ENTPD8: variants seen among roughly 807,000 people sequenced by gnomAD.
ENTPD8 encodes the protein ectonucleoside triphosphate diphosphohydrolase 8.
Under a neutral mutation model 47.0 loss-of-function variants are expected in ENTPD8, and 35 were observed. The observed-to-expected ratio is 0.75, with a 90% CI of 0.57 to 0.99. ENTPD8 has a LOEUF of 0.99. Ranked by LOEUF, ENTPD8 falls within the 50% of genes least tolerant of loss-of-function variation. The pLI is 0.00. For missense variants in ENTPD8, 668 were observed against 649.9 expected (o/e 1.03, Z -0.30); for synonymous variants, 308 against 290.5 (o/e 1.06, Z -0.61).
rs373086781 is a variant in ENTPD8 at position 137,436,513 on chromosome 9, C to T, written c.786+8G>A. 1.0e-4 allele frequency: 159 copies of T among 1,596,242 alleles called. 1 individual carries two copies. Among genetic ancestry groups the T allele is most frequent in the African/African-American group, 8.5e-4 (64 of 74,870 alleles). ...CAGCCCCATGCACCCTCCCCAGGGC[C>T]AGCTGACCTGTACCAGCCCCACGAG... On this transcript the variant is annotated splice_region_variant and intron_variant, in intron 6 of 9. Transcript: ENST00000371506.
Position 137,434,446 on chromosome 9 carries a change from C to G in ENTPD8, c.*468G>C. On this transcript the variant is annotated 3_prime_UTR_variant, in exon 10 of 10. Coordinates refer to ENST00000371506, the MANE Select transcript of ENTPD8 (RefSeq NM_001033113.2). Reference sequence around the variant, plus strand: ...GTGGGTGTGGGAGGCCGGGCTGGCCCAGCAGAAGCCCCCAGGCCTGGACTC... The same window carrying G: ...GTGGGTGTGGGAGGCCGGGCTGGCCGAGCAGAAGCCCCCAGGCCTGGACTC... 1 of 1,437,422 alleles carries G rather than the reference C, an allele frequency of 7.0e-7. No homozygotes were observed. The highest frequency in any genetic ancestry group is 9.3e-7 in the Non-Finnish European group (1 of 1,073,468). The allele number at this position is 1,437,422 out of a possible 1,614,324, so 89.0% of individuals were successfully genotyped here.
At chr9:137,436,297 T>C in intron 6 of ENTPD8, 21 bp from the exon 7 acceptor site, 1 of 1,548,034 alleles carries the variant, frequency 6.5e-7, no homozygotes, top group Non-Finnish European at 8.7e-7. Flanking sequence ...CAGGGAGGCC[T>C]GAGCACCAGC....
Position 137,435,095 on chromosome 9 carries a change from A to G in ENTPD8, c.1307T>C (p.Val436Ala). ...GTAGCCCAGTGTCCAGCCAATGTCCACACCGCCCGCCTGCGGGACACACGG... is the reference window on the plus strand; with the variant it reads ...GTAGCCCAGTGTCCAGCCAATGTCCGCACCGCCCGCCTGCGGGACACACGG... ...SLEFRKQAGG[V>A]DIGWTLGYML... Residue 436 changes from valine to alanine, a missense_variant, in exon 10 of 10, where the codon GTG becomes GCG. Physicochemically the swap from Val to Ala is moderately conservative, Grantham distance 64. Coordinates refer to ENST00000371506, the MANE Select transcript of ENTPD8 (RefSeq NM_001033113.2). 6.2e-7 allele frequency: 1 copy of G among 1,609,908 alleles called. No individual in the cohort carries two copies. The highest frequency in any genetic ancestry group is 8.5e-7 in the Non-Finnish European group (1 of 1,179,194).
At position 137,435,849 on chromosome 9, in the gene ENTPD8, G is replaced by A. The variant is rs952688103; in HGVS notation, c.1051-20C>T. Reference sequence around the variant, plus strand: ...GAAGGCCTGAGTGAGAGGGGAGGTGGCTGTGCCTTCGCTGTGGCCACGCTG... The same window carrying A: ...GAAGGCCTGAGTGAGAGGGGAGGTGACTGTGCCTTCGCTGTGGCCACGCTG... On this transcript the variant is annotated intron_variant, in intron 7 of 9. Transcript: ENST00000371506. The A allele has an allele frequency of 3.1e-6, 5 of 1,608,968 alleles. No individual in the cohort carries two copies. The highest frequency in any genetic ancestry group is 4.3e-6 in the Non-Finnish European group (5 of 1,176,220).
In ENTPD8 at chr9:137,438,097, T is replaced by C. The variant is rs1363791516; in HGVS notation, c.127-13A>G. ...ACACGATCCCAAACTGGGGAGACAG[T>C]GGGATGAGTGGGAGGCAACACCTGT... On this transcript the variant is annotated splice_polypyrimidine_tract_variant and intron_variant, in intron 2 of 9. Coordinates refer to ENST00000371506, the MANE Select transcript of ENTPD8 (RefSeq NM_001033113.2). The surrounding 1 kb of genome is among the most constrained non-coding windows in gnomAD (Gnocchi z 5.7). 1.9e-6 allele frequency: 3 copies of C among 1,612,074 alleles called. No homozygotes were observed. The African/African-American group carries it at 4.0e-5, about 22-fold the overall frequency.
Position 137,436,248 on chromosome 9 carries a change from G to A in ENTPD8, c.815C>T (p.Pro272Leu), listed in dbSNP as rs772261808. 4.4e-6 allele frequency: 7 copies of A among 1,603,242 alleles called. No individual in the cohort carries two copies. The highest frequency in any genetic ancestry group is 1.7e-4 in the Middle Eastern group (1 of 5,936). ...GGTCTGGTAGCCGCTGAGGTAGCAC[G>A]GGTGACGGAGCAGGGCAGCCGGGCG... ...QSRPAALLRH[P>L]CYLSGYQTTL... The change falls in exon 7 of 10, where the codon CCG becomes CTG. Residue 272 changes from proline (P) to leucine (L), a missense_variant. Physicochemically the swap from Pro to Leu is moderately conservative, Grantham distance 98. Coordinates refer to ENST00000371506, the MANE Select transcript of ENTPD8 (RefSeq NM_001033113.2).
At chr9:137,435,613 GC>G in intron 8 of ENTPD8, 105 bp downstream of exon 8, 1 of 1,209,634 alleles carries the variant, frequency 8.3e-7, no homozygotes, top group South Asian at 1.3e-5. Flanking sequence ...GCCTCCCCCG[GC>G]CCTGCTGGCC....
intron 5 of ENTPD8, 32 bp downstream of exon 5, chr9:137,436,837 A>C: frequency 6.2e-7 from 1 of 1,608,048 alleles, no homozygotes; most frequent in Non-Finnish European, 8.5e-7. Context: ...CCCCTCGCAG[A>C]CCAGCCCCCG....
Position 137,434,889 on chromosome 9 carries a change from G to A in ENTPD8, c.*25C>T. On this transcript the variant is annotated 3_prime_UTR_variant, in exon 10 of 10. Coordinates refer to ENST00000371506, the MANE Select transcript of ENTPD8 (RefSeq NM_001033113.2). ...CGGGACGCAGCTGCCTGTGGGCTCT[G>A]TGGGGGCCCACCTCCGCCTTCCCAC... The A allele has an allele frequency of 6.3e-7, 1 of 1,585,342 alleles. No individual in the cohort carries two copies. The highest frequency in any genetic ancestry group is 8.6e-7 in the Non-Finnish European group (1 of 1,165,686).
intron 3 of ENTPD8, 111 bp from the exon 4 acceptor site, chr9:137,437,420 G>A (rs1839401177): frequency 2.2e-6 from 3 of 1,370,578 alleles, no homozygotes; most frequent in South Asian, 2.8e-5. Flanking sequence ...ACCAGCCAAG[G>A]GCTGCGTGGA....
rs1301278203 is a variant in ENTPD8, at chr9:137,437,973, C to A, written c.238G>T (p.Val80Leu). Residue 80 changes from valine to leucine, a missense_variant, in exon 3 of 10, where the codon GTG becomes TTG. Coordinates refer to ENST00000371506, the MANE Select transcript of ENTPD8 (RefSeq NM_001033113.2). ...GVVSQALACQVEGPGISSYTS... is the reference protein window; with the variant it reads ...GVVSQALACQLEGPGISSYTS... ...TGCAGAACAGCCCACTAACCTTCCA[C>A]CTGGCAGGCCAGGGCCTGGCTGACC... The A allele has an allele frequency of 1.2e-5, 20 of 1,612,032 alleles. No homozygotes were observed. Among genetic ancestry groups the A allele is most frequent in the Non-Finnish European group, 1.7e-5 (20 of 1,179,432 alleles).
At chr9:137,439,906 G>A (rs1368163139) in intron 1 of ENTPD8, among the ~76,000 whole-genome samples, 2 of 69,290 alleles carry the variant, frequency 2.9e-5, no homozygotes, top group Non-Finnish European at 5.3e-5. Context: ...CAGCCCCCCC[G>A]AGACCAGGAC....
rs1048595064 is a variant in ENTPD8, at chr9:137,434,440, C to G, written c.*474G>C. 4 of 1,466,816 alleles carry G rather than the reference C, an allele frequency of 2.7e-6. No homozygotes were observed. The African/African-American group carries it at 5.7e-5, about 21-fold the overall frequency. 90.9% of individuals were successfully genotyped at this position (1,466,816 alleles called of 1,614,324 possible). A position where few individuals can be genotyped will look rare whatever the true frequency, so the allele number is the denominator to read the frequency against. On this transcript the variant is annotated 3_prime_UTR_variant, in exon 10 of 10. Transcript: ENST00000371506. ...CTCCAAGTGGGTGTGGGAGGCCGGG[C>G]TGGCCCAGCAGAAGCCCCCAGGCCT... is the stretch of plus-strand genomic sequence containing the variant.
rs777784111 is a variant in ENTPD8 at position 137,436,164 on chromosome 9, C to G, written c.899G>C (p.Ser300Thr). 2.5e-6 allele frequency: 4 copies of G among 1,612,856 alleles called. No homozygotes were observed. The highest frequency in any genetic ancestry group is 2.2e-5 in the East Asian group (1 of 44,896). Reference sequence around the variant, plus strand: ...TTCAACTGTGAGGTTCTGGGGGAGGCTCAGCGGGGGCGTGGCGTGGACACA... The same window carrying G: ...TTCAACTGTGAGGTTCTGGGGGAGGGTCAGCGGGGGCGTGGCGTGGACACA... ...SPCVHATPPL[S>T]LPQNLTVEGT... Residue 300 changes from serine to threonine, a missense_variant, in exon 7 of 10, where the codon AGC becomes ACC. By Grantham distance (58) the Ser-to-Thr change is moderately conservative. Transcript: ENST00000371506.
rs748624218 is a variant in ENTPD8 at position 137,434,378 on chromosome 9, T to C, written c.*536A>G. 1.3e-5 allele frequency: 20 copies of C among 1,553,244 alleles called. No homozygotes were observed. Among genetic ancestry groups the C allele is most frequent in the Non-Finnish European group, 1.7e-5 (20 of 1,148,964 alleles). On this transcript the variant is annotated 3_prime_UTR_variant, in exon 10 of 10. Coordinates refer to ENST00000371506, the MANE Select transcript of ENTPD8 (RefSeq NM_001033113.2). Reference sequence around the variant, plus strand: ...AGCCCTAATGATGCTGTGTCCATGATGCTTTTAATAAAAACAACCCCCACT... The same window carrying C: ...AGCCCTAATGATGCTGTGTCCATGACGCTTTTAATAAAAACAACCCCCACT...
rs952161845 is a variant in ENTPD8, at chr9:137,434,619, G to A, written c.*295C>T. The stretch of plus-strand genomic sequence containing the variant: ...CTTGCCCTGTTTGCAGGCAGCATGT[G>A]GCCCTGCAGTCACACAGCCTGGAGA... On this transcript the variant is annotated 3_prime_UTR_variant, in exon 10 of 10. Transcript: ENST00000371506. 5.2e-6 allele frequency: 3 copies of A among 581,992 alleles called. No homozygotes were observed. The highest frequency in any genetic ancestry group is 8.9e-6 in the Non-Finnish European group (3 of 337,590). The allele number at this position is 581,992 out of a possible 1,614,324, so 36.1% of individuals were successfully genotyped here.
rs985703775 is a variant in ENTPD8, at chr9:137,437,380, C to T, written c.245-71G>A. On this transcript the variant is annotated intron_variant, in intron 3 of 9. Coordinates refer to ENST00000371506, the MANE Select transcript of ENTPD8 (RefSeq NM_001033113.2). The stretch of plus-strand genomic sequence containing the variant: ...TGGGCTGAAAGGTAGCCCCCAAAGA[C>T]ATGACCACCTCATGCCCCCTGGTGC... 1.8e-5 allele frequency: 28 copies of T among 1,548,478 alleles called. No homozygotes were observed. In the East Asian group the frequency reaches 3.9e-4, roughly 21 times the overall value.
rs903069151 is a variant in ENTPD8 at position 137,436,533 on chromosome 9, C to G, written c.774G>C (p.Val258=). The G allele has an allele frequency of 6.2e-7, 1 of 1,608,622 alleles. No individual in the cohort carries two copies. Among genetic ancestry groups the G allele is most frequent in the African/African-American group, 1.3e-5 (1 of 74,902 alleles). ...AGGGCCAGCTGACCTGTACCAGCCC[C>G]ACGAGGAGCCTGCTCAGCATCTGGT... ...GRDQMLSRLL[V]GLVQSRPAAL... is the part of the protein sequence containing the mutation. Residue 258 remains valine, a synonymous_variant, in exon 6 of 10, where the codon GTG becomes GTC. Transcript: ENST00000371506.
At position 137,437,144 on chromosome 9, in the gene ENTPD8, C is replaced by A; in HGVS notation, c.395+15G>T. 3 of 1,611,248 alleles carry A rather than the reference C, an allele frequency of 1.9e-6. No individual in the cohort carries two copies. Among genetic ancestry groups the A allele is most frequent in the Non-Finnish European group, 1.7e-6 (2 of 1,179,274 alleles). The stretch of plus-strand genomic sequence containing the variant: ...CAGCCACTCCCCGTGGGTGCCAAGG[C>A]CATGCCTGCCTCACCTGAGCAACCT... On this transcript the variant is annotated intron_variant, in intron 4 of 9. Coordinates refer to ENST00000371506, the MANE Select transcript of ENTPD8 (RefSeq NM_001033113.2).
Sources: gnomAD v4.1 joint callset for allele counts (sites outside exome capture counted in the v4.1 genomes callset) on GRCh38, gnomAD v4.1.1 for gene constraint, Gnocchi (gnomAD v3.1) non-coding constraint, MANE v1.5 for transcripts, NCBI Gene and HGNC (gene_info 2026-07-23, HGNC 2026-07-21) for gene names.